MGAT4C: variants seen among roughly 807,000 people sequenced by gnomAD.
MGAT4C encodes the protein alpha-1,3-mannosyl-glycoprotein 4-beta-N-acetylglucosaminyltransferase C.
Under a neutral mutation model 40.1 loss-of-function variants are expected in MGAT4C, and 19 were observed. The observed-to-expected ratio is 0.47, with a 90% confidence interval of 0.33 to 0.70. The LOEUF is 0.70. Ranked by LOEUF, MGAT4C falls within the 30% of genes least tolerant of loss-of-function variation. The pLI, the probability that MGAT4C is intolerant of heterozygous loss-of-function variation, is 0.02. For missense variants in MGAT4C, 491 were observed against 563.2 expected (o/e 0.87, Z 1.30); for synonymous variants, 181 against 187.1 (o/e 0.97, Z 0.27).
intron 3 of MGAT4C, among the ~76,000 whole-genome samples, chr12:86,398,626 T>C (rs1017416899): frequency 3.9e-5 from 6 of 151,944 alleles, no homozygotes; most frequent in Admixed American, 3.3e-4. Flanking sequence ...GTTTGGGTGC[T>C]TTAGGTCTCA....
intron 1 of MGAT4C, among the ~76,000 whole-genome samples, chr12:86,124,864 G>A (rs1030377107): frequency 1.3e-5 from 2 of 152,056 alleles, no homozygotes; most frequent in Admixed American, 1.3e-4. Context: ...AGAGGTGAGG[G>A]CATATTTCTG....
At chr12:86,072,763 G>T (rs1868823882) in intron 1 of MGAT4C, among the ~76,000 whole-genome samples, 1 of 152,022 alleles carries the variant, frequency 6.6e-6, no homozygotes, top group African/African-American at 2.4e-5. Context: ...TAATTGAAAA[G>T]TAACTATACT....
At chr12:86,586,896 G>A (rs1420103013) in intron 2 of MGAT4C, among the ~76,000 whole-genome samples, 3 of 151,906 alleles carry the variant, frequency 2.0e-5, no homozygotes, top group Admixed American at 6.6e-5. Context: ...CTCCCATTTT[G>A]TGGGTTGCCT....
chr12:86,145,263 T>C (rs1370239129), intron 1 of MGAT4C, among the ~76,000 whole-genome samples: 1 of 152,128 alleles, frequency 6.6e-6, no homozygotes, highest in Non-Finnish European at 1.5e-5. Context: ...GACTTTCTTT[T>C]TTTTTGGCTT....
At chr12:86,809,086 G>A (rs1952420969) in intron 1 of MGAT4C, among the ~76,000 whole-genome samples, 1 of 151,998 alleles carries the variant, frequency 6.6e-6, no homozygotes, top group Non-Finnish European at 1.5e-5. Flanking sequence ...GGACATGAAG[G>A]ACCTCTTCAA....
intron 1 of MGAT4C, among the ~76,000 whole-genome samples, chr12:86,105,777 T>C (rs1876048399): frequency 6.6e-6 from 1 of 152,142 alleles, no homozygotes; most frequent in East Asian, 1.9e-4. Flanking sequence ...TCTACTCCAT[T>C]AGGATAATGG....
chr12:85,992,711 T>G (rs377259193), intron 2 of MGAT4C, among the ~76,000 whole-genome samples: 1 of 152,352 alleles, frequency 6.6e-6, no homozygotes, highest in African/African-American at 2.4e-5. Context: ...CAACTTAGTG[T>G]CAAGCACTTT....
chr12:86,079,086 A>G (rs1426351015), intron 1 of MGAT4C, among the ~76,000 whole-genome samples: 1 of 152,208 alleles, frequency 6.6e-6, no homozygotes, highest in Admixed American at 6.5e-5. Context: ...ATATGGTGTA[A>G]GATGAAAAGG....
At chr12:86,176,179 A>G (rs1163252669) in intron 1 of MGAT4C, among the ~76,000 whole-genome samples, 1 of 152,034 alleles carries the variant, frequency 6.6e-6, no homozygotes, top group Non-Finnish European at 1.5e-5. Flanking sequence ...TCTCAAACCT[A>G]ATCTCTCATC....
chr12:86,059,312 GA>G (rs1893706252), intron 1 of MGAT4C, among the ~76,000 whole-genome samples: 1 of 152,182 alleles, frequency 6.6e-6, no homozygotes, highest in African/African-American at 2.4e-5. Flanking sequence ...TAAGTGCTGG[GA>G]TTACAGGCAT....
At chr12:86,544,542 AAC>A (rs761330548) in intron 2 of MGAT4C, among the ~76,000 whole-genome samples, 2 of 152,098 alleles carry the variant, frequency 1.3e-5, no homozygotes, top group African/African-American at 2.4e-5. Context: ...TGTTGATTAA[AAC>A]ACATGGTCTA....
chr12:86,266,285 GA>G (rs1419884896), intron 4 of MGAT4C, among the ~76,000 whole-genome samples: 6 of 152,076 alleles, frequency 3.9e-5, no homozygotes, highest in Non-Finnish European at 8.8e-5. Context: ...TGTCATATAT[GA>G]CATTTATTAT....
At chr12:86,804,200 G>T (rs954414688) in intron 1 of MGAT4C, among the ~76,000 whole-genome samples, 10 of 149,020 alleles carry the variant, frequency 6.7e-5, no homozygotes, top group Admixed American at 1.4e-4. Context: ...CTCACTCATA[G>T]GTGGGAATTG....
chr12:86,035,957 C>T (rs187752607), intron 2 of MGAT4C, among the ~76,000 whole-genome samples: 1 of 149,976 alleles, frequency 6.7e-6, no homozygotes, highest in East Asian at 1.9e-4. Flanking sequence ...GTACCAGTAC[C>T]ATGCTGTTTT....
At chr12:86,696,837 T>C (rs1950268670) in intron 2 of MGAT4C, among the ~76,000 whole-genome samples, 1 of 152,138 alleles carries the variant, frequency 6.6e-6, no homozygotes, top group Admixed American at 6.6e-5. Context: ...AATCTGCTTT[T>C]AGTGTGAAGA....
In MGAT4C at chr12:86,503,769, TATATATAGAGTTCTGCTC is replaced by T. The variant is rs1407726083; in HGVS notation, c.-228-68522_-228-68505del. On this transcript the variant is annotated intron_variant, in intron 2 of 7. Coordinates refer to the MGAT4C transcript ENST00000548651. ...TATATATGAGTTCTGCTCATATATA[TATATATAGAGTTCTGCTC>T]ATATATATATATATATATATATATA... Among the ~76,000 whole-genome samples, 59 of 66,018 alleles carry T rather than the reference TATATATAGAGTTCTGCTC, an allele frequency of 8.9e-4. 6 individuals carry two copies. Among genetic ancestry groups the T allele is most frequent in the African/African-American group, 3.7e-3 (53 of 14,344 alleles). 43.3% of individuals were successfully genotyped at this position (66,018 alleles called of 152,430 possible). A position where few individuals can be genotyped will look rare whatever the true frequency, so the allele number is the denominator to read the frequency against.
chr12:86,675,937 T>C (rs1964384300), intron 2 of MGAT4C, among the ~76,000 whole-genome samples: 1 of 150,060 alleles, frequency 6.7e-6, no homozygotes, highest in Non-Finnish European at 1.5e-5. Context: ...TATCTAACTT[T>C]ATTTTTCTAC....
At chr12:86,690,649 C>T (rs993364805) in intron 2 of MGAT4C, among the ~76,000 whole-genome samples, 4 of 152,076 alleles carry the variant, frequency 2.6e-5, no homozygotes, top group African/African-American at 9.7e-5. Context: ...GCAGAAGTCC[C>T]AGTGAGATGA....
chr12:86,734,192 A>G (rs933642151), intron 1 of MGAT4C, among the ~76,000 whole-genome samples: 2 of 152,114 alleles, frequency 1.3e-5, no homozygotes, highest in Non-Finnish European at 2.9e-5. Flanking sequence ...TTATGAAGGG[A>G]GATTGAAATA....
Sources: allele counts gnomAD v4.1 joint callset (sites outside exome capture counted in the v4.1 genomes callset), GRCh38; gene constraint gnomAD v4.1.1; transcripts MANE v1.5; gene names NCBI Gene and HGNC (gene_info 2026-07-23, HGNC 2026-07-21).